The following FHIT variants were observed in gnomAD, a reference collection of about 807,000 sequenced individuals.
The protein encoded by FHIT is fragile histidine triad diadenosine triphosphatase.
Under a neutral mutation model 17.9 loss-of-function variants are expected in FHIT, and 19 were observed. That is an observed-to-expected ratio of 1.06 (90% confidence interval 0.74 to 1.56). The LOEUF (loss-of-function observed/expected upper bound fraction) is 1.56. Among genes scored for constraint, FHIT ranks in the 40% most tolerant of loss-of-function variants. FHIT has a pLI of 0.00. For synonymous variants in FHIT, 81 were observed against 69.7 expected (o/e 1.16, Z -0.81); for missense variants, 248 against 189.2 (o/e 1.31, Z -1.82).
intron 3 of FHIT, among the ~76,000 whole-genome samples, chr3:60,903,104 T>C (rs1553763612): frequency 6.6e-6 from 1 of 152,088 alleles, no homozygotes; most frequent in African/African-American, 2.4e-5. Context: ...TCAAAAAAAC[T>C]AAGTTGGTTC....
intron 7 of FHIT, among the ~76,000 whole-genome samples, chr3:59,936,010 T>C (rs780965501): frequency 3.2e-4 from 49 of 152,156 alleles, no homozygotes; most frequent in Non-Finnish European, 6.5e-4. Context: ...GTTCTTGTGT[T>C]TCTAGCCTCA....
rs1051688379 is a variant in FHIT at position 60,115,455 on chromosome 3, G to A, written c.104-101303C>T. On this transcript the variant is annotated intron_variant, in intron 5 of 9. Coordinates refer to ENST00000492590, the MANE Select transcript of FHIT (RefSeq NM_002012.4). ...TAACTACGATTTTAAATAATAAAAC[G>A]GTAATTTTGTTGGAAAAATAGGCAG... Among the ~76,000 whole-genome samples the A allele has an allele frequency of 5.9e-5, 9 of 152,042 alleles. No homozygotes were observed. The East Asian group carries it at 7.7e-4, about 13-fold the overall frequency.
chr3:60,238,908 T>C (rs1377226232), intron 5 of FHIT, among the ~76,000 whole-genome samples: 4 of 152,200 alleles, frequency 2.6e-5, no homozygotes, highest in Non-Finnish European at 4.4e-5. Flanking sequence ...CCTGTGACCT[T>C]TTCAATTATG....
At chr3:60,572,437 G>C (rs1348150864) in intron 4 of FHIT, among the ~76,000 whole-genome samples, 1 of 152,064 alleles carries the variant, frequency 6.6e-6, no homozygotes, top group Non-Finnish European at 1.5e-5. Context: ...CCCTAGGCAT[G>C]TTTACAAATA....
At chr3:60,209,909 G>C (rs949133065) in intron 5 of FHIT, among the ~76,000 whole-genome samples, 16 of 152,200 alleles carry the variant, frequency 1.1e-4, no homozygotes, top group African/African-American at 3.9e-4. Flanking sequence ...ACAGGGAGGG[G>C]AACAACACAC....
rs189491274 is a variant in FHIT, at chr3:60,494,539, G to A, written c.103+42321C>T. On this transcript the variant is annotated intron_variant, in intron 5 of 9. Transcript: ENST00000492590. The stretch of plus-strand genomic sequence containing the variant: ...CATTATTGACTACAGTCACTCCGTT[G>A]CGCTATCAAATACTAGGTCTTATTC... Among the ~76,000 whole-genome samples, 26 of 152,184 alleles carry A rather than the reference G, an allele frequency of 1.7e-4. 1 individual carries two copies. Among genetic ancestry groups the A allele is most frequent in the African/African-American group, 5.5e-4 (23 of 41,544 alleles).
chr3:60,181,416 G>A (rs1209639775), intron 5 of FHIT, among the ~76,000 whole-genome samples: 3 of 152,164 alleles, frequency 2.0e-5, no homozygotes, highest in Non-Finnish European at 4.4e-5. Flanking sequence ...AAAGTGCTGG[G>A]ATTACAGGTG....
chr3:60,338,360 A>G (rs1710345920), intron 5 of FHIT, among the ~76,000 whole-genome samples: 1 of 152,100 alleles, frequency 6.6e-6, no homozygotes, highest in South Asian at 2.1e-4. Flanking sequence ...TAGAGATCCT[A>G]TTTATTTATT....
intron 5 of FHIT, among the ~76,000 whole-genome samples, chr3:60,032,759 G>C (rs1479160868): frequency 6.6e-6 from 1 of 151,234 alleles, no homozygotes; most frequent in Admixed American, 6.6e-5. Flanking sequence ...CTGTCTAATA[G>C]AACTTTTTGC....
rs143003431 is a variant in FHIT at position 59,994,877 on chromosome 3, G to A, written c.279+16494C>T. Among the ~76,000 whole-genome samples, 146 of 152,142 alleles carry A rather than the reference G, an allele frequency of 9.6e-4. 2 individuals are homozygous for A. The highest frequency in any genetic ancestry group is 3.3e-3 in the African/African-American group (136 of 41,528). On this transcript the variant is annotated intron_variant, in intron 7 of 9. Transcript: ENST00000492590. ...TGTCTATGCACTAAGTTACTTTGAC[G>A]CCACACCTGTTTCTATTCTGCCTGG...
intron 5 of FHIT, among the ~76,000 whole-genome samples, chr3:60,186,693 G>A (rs1343643611): frequency 6.6e-6 from 1 of 152,112 alleles, no homozygotes; most frequent in Non-Finnish European, 1.5e-5. Context: ...TAGTAACAAG[G>A]AAAGACAGTG....
chr3:60,266,802 C>T (rs1269573670), intron 5 of FHIT, among the ~76,000 whole-genome samples: 1 of 151,972 alleles, frequency 6.6e-6, no homozygotes, highest in Non-Finnish European at 1.5e-5. Flanking sequence ...GCCAGAATAC[C>T]AGAAGTGCAT....
chr3:60,693,121 T>C (rs1232754726), intron 4 of FHIT, among the ~76,000 whole-genome samples: 1 of 152,206 alleles, frequency 6.6e-6, no homozygotes, highest in Non-Finnish European at 1.5e-5. Context: ...TCTTCTTGAG[T>C]ATTTTTATAG....
At chr3:60,186,425 A>G (rs1394622438) in intron 5 of FHIT, among the ~76,000 whole-genome samples, 10 of 152,138 alleles carry the variant, frequency 6.6e-5, no homozygotes, top group African/African-American at 2.4e-4. Flanking sequence ...AGGTTGACTG[A>G]ATTTGTGTGA....
intron 8 of FHIT, among the ~76,000 whole-genome samples, chr3:59,854,273 A>G (rs1189235993): frequency 6.6e-6 from 1 of 152,180 alleles, no homozygotes; most frequent in Non-Finnish European, 1.5e-5. Flanking sequence ...CTCGCCCGGA[A>G]GCATTCCAGG....
chr3:60,094,635 C>T (rs1703864301), intron 5 of FHIT, among the ~76,000 whole-genome samples: 2 of 152,242 alleles, frequency 1.3e-5, no homozygotes, highest in South Asian at 2.1e-4. Context: ...TAATAAGACA[C>T]CTGTGAAAGG....
intron 5 of FHIT, among the ~76,000 whole-genome samples, chr3:60,058,924 A>G: frequency 6.6e-6 from 1 of 152,208 alleles, no homozygotes; most frequent in East Asian, 1.9e-4. Context: ...GCAGAGAGTC[A>G]TGGTATTCAG....
At chr3:60,458,381 T>C (rs1028421237) in intron 5 of FHIT, among the ~76,000 whole-genome samples, 4 of 142,632 alleles carry the variant, frequency 2.8e-5, no homozygotes, top group Non-Finnish European at 4.5e-5. Context: ...AATTGAACTA[T>C]GAGAACACAT....
chr3:60,003,107 T>A (rs1699790029), intron 7 of FHIT, among the ~76,000 whole-genome samples: 1 of 152,156 alleles, frequency 6.6e-6, no homozygotes, highest in Non-Finnish European at 1.5e-5. Context: ...AAATGCACTT[T>A]AAATAATAGA....
Sources: allele counts gnomAD v4.1 joint callset (sites outside exome capture counted in the v4.1 genomes callset), GRCh38; gene constraint gnomAD v4.1.1; transcripts MANE v1.5; gene names NCBI Gene and HGNC (gene_info 2026-07-23, HGNC 2026-07-21).